Variants in PREP observed in about 807,000 individuals in gnomAD.
The protein encoded by PREP is dJ355L5.1 (prolyl endopeptidase).
Under a neutral mutation model 87.6 loss-of-function variants are expected in PREP, and 29 were observed. The observed-to-expected ratio is 0.33, with a 90% CI of 0.25 to 0.45. PREP has a LOEUF of 0.45. PREP is among the 20% of genes least tolerant of loss of function. PREP has a pLI of 1.00. For missense variants in PREP, 695 were observed against 886.5 expected, an observed-to-expected ratio of 0.78 and a Z score of 2.74; for synonymous variants, 337 against 328.6, an observed-to-expected ratio of 1.03 and a Z score of -0.28.
At chr6:105,391,147 GCCTCAA>G (rs1562228332) in intron 2 of PREP, among the ~76,000 whole-genome samples, 1 of 56,636 alleles carries the variant, frequency 1.8e-5, no homozygotes, top group African/African-American at 3.9e-4. Context: ...GAGGGCTGAG[GCCTCAA>G]GTGGATCACT....
chr6:105,294,980 T>C lies in PREP; in HGVS notation c.1318-6086A>G, dbSNP rs1273475752. Among the ~76,000 whole-genome samples the C allele has an allele frequency of 5.3e-5, 8 of 152,224 alleles. No individual in the cohort carries two copies. In the South Asian group the frequency reaches 1.2e-3, roughly 24 times the overall value. On this transcript the variant is annotated intron_variant, in intron 10 of 14. Transcript: ENST00000652536. Reference sequence around the variant, plus strand: ...CTCCTCTAATTCTGACCCTAACCCATTGGATTCCTTCTCCTCCCCCAGGCT... The same window carrying C: ...CTCCTCTAATTCTGACCCTAACCCACTGGATTCCTTCTCCTCCCCCAGGCT...
intron 2 of PREP, among the ~76,000 whole-genome samples, chr6:105,386,725 T>C (rs573931845): frequency 7.1e-4 from 108 of 152,274 alleles, no homozygotes; most frequent in African/African-American, 2.5e-3. Context: ...ACTTTCTGGG[T>C]CTGAAGAATT....
At chr6:105,341,882 T>C (rs532452702) in intron 7 of PREP, among the ~76,000 whole-genome samples, 1 of 152,290 alleles carries the variant, frequency 6.6e-6, no homozygotes, top group South Asian at 2.1e-4. Flanking sequence ...GGCTCTGAAA[T>C]TGAGGCAATA....
chr6:105,334,596 G>A (rs1401019687), intron 7 of PREP, among the ~76,000 whole-genome samples: 1 of 152,148 alleles, frequency 6.6e-6, no homozygotes, highest in Non-Finnish European at 1.5e-5. Context: ...GCACACGCCT[G>A]TAATCCCAGC....
In PREP at chr6:105,278,145, T is replaced by C. The variant is rs780726174; in HGVS notation, c.2132A>G (p.Ter711=). The change falls in exon 15 of 15, where the codon TAA becomes TGA. Residue 711 remains the stop codon, a stop_retained_variant. Coordinates refer to ENST00000652536, the MANE Select transcript of PREP (RefSeq NM_002726.5). This position sits in a 1 kb window ranked among gnomAD's most constrained non-coding sequence, Gnocchi z 4.2. ...GTCAGGAGGAAGCACGAAAACTGTT[T>C]ATGGAATCCAGTCGACGTTCAGGCA... ...ARCLNVDWIP[*] is the part of the protein sequence containing the mutation. The C allele has an allele frequency of 2.4e-5, 38 of 1,606,706 alleles. No individual in the cohort carries two copies. The highest frequency in any genetic ancestry group is 3.1e-5 in the Non-Finnish European group (37 of 1,174,652).
chr6:105,341,424 A>G (rs930319623), intron 7 of PREP, among the ~76,000 whole-genome samples: 4 of 152,252 alleles, frequency 2.6e-5, no homozygotes, highest in African/African-American at 9.6e-5. Flanking sequence ...AAATGCCCAC[A>G]AGAGAAAGCA....
At chr6:105,323,882 G>A (rs536634239) in intron 9 of PREP, 114 bp from the exon 10 acceptor site, 3 of 901,224 alleles carry the variant, frequency 3.3e-6, no homozygotes, top group East Asian at 2.6e-5. Context: ...TCATTTATCA[G>A]GGACTTGGTT....
chr6:105,394,571 A>T (rs1282568047), intron 2 of PREP, among the ~76,000 whole-genome samples: 1 of 152,222 alleles, frequency 6.6e-6, no homozygotes, highest in East Asian at 1.9e-4. Flanking sequence ...GTATCTAAAA[A>T]TCTAAGGGAA....
At chr6:105,292,275 T>G (rs893628013) in intron 10 of PREP, among the ~76,000 whole-genome samples, 2 of 152,162 alleles carry the variant, frequency 1.3e-5, no homozygotes, top group Non-Finnish European at 2.9e-5. Flanking sequence ...CAAAATGTAT[T>G]ATTTCTCAAA....
At chr6:105,324,592 C>A (rs901686384) in intron 9 of PREP, among the ~76,000 whole-genome samples, 6 of 152,114 alleles carry the variant, frequency 3.9e-5, no homozygotes, top group African/African-American at 7.2e-5. Flanking sequence ...TAGCACCTCC[C>A]CACATAATAC....
intron 9 of PREP, among the ~76,000 whole-genome samples, chr6:105,326,742 C>T (rs1177315015): frequency 1.3e-5 from 2 of 152,146 alleles, no homozygotes; most frequent in African/African-American, 2.4e-5. Flanking sequence ...GATCTGAATC[C>T]GGAAGCCCCA....
At chr6:105,385,684 A>G (rs1429811022) in intron 2 of PREP, among the ~76,000 whole-genome samples, 1 of 152,240 alleles carries the variant, frequency 6.6e-6, no homozygotes, top group Non-Finnish European at 1.5e-5. Flanking sequence ...CTCAATAATG[A>G]GTGCAATGGT....
At chr6:105,338,452 C>T (rs2114665132) in intron 7 of PREP, among the ~76,000 whole-genome samples, 1 of 152,318 alleles carries the variant, frequency 6.6e-6, no homozygotes, top group African/African-American at 2.4e-5. Flanking sequence ...AGGAACAGCT[C>T]CAATCTACAG....
At chr6:105,375,017 T>C (rs1046158746) in intron 4 of PREP, among the ~76,000 whole-genome samples, 4 of 152,078 alleles carry the variant, frequency 2.6e-5, no homozygotes, top group Admixed American at 2.0e-4. Context: ...ATATGGGATA[T>C]GTTACTTCAA....
chr6:105,285,644 T>C, intron 11 of PREP, 64 bp from the exon 12 acceptor site: 2 of 1,356,366 alleles, frequency 1.5e-6, no homozygotes, highest in Non-Finnish European at 2.1e-6. Flanking sequence ...GCCCTCTCTC[T>C]CCATCTCAAA....
At chr6:105,355,417 C>T (rs1342529273) in intron 6 of PREP, among the ~76,000 whole-genome samples, 2 of 152,136 alleles carry the variant, frequency 1.3e-5, no homozygotes, top group Non-Finnish European at 2.9e-5. Flanking sequence ...ATTAAGAAGG[C>T]ATCTTTCCAC....
intron 7 of PREP, among the ~76,000 whole-genome samples, chr6:105,336,661 T>C (rs555844073): frequency 6.6e-6 from 1 of 152,238 alleles, no homozygotes; most frequent in Non-Finnish European, 1.5e-5. Context: ...GGTAGTATCT[T>C]AGACCAGTTA....
chr6:105,354,840 T>C (rs1772050637), intron 6 of PREP, among the ~76,000 whole-genome samples: 1 of 152,212 alleles, frequency 6.6e-6, no homozygotes, highest in African/African-American at 2.4e-5. Context: ...AGCTCTTTTC[T>C]CTAGTAAACC....
intron 10 of PREP, among the ~76,000 whole-genome samples, chr6:105,308,211 CA>C (rs770226280): frequency 4.6e-5 from 7 of 151,700 alleles, no homozygotes; most frequent in Non-Finnish European, 8.8e-5. Context: ...AGCCAAAAGC[CA>C]CTAAAAGAAT....
Sources: gnomAD v4.1 joint callset for allele counts (sites outside exome capture counted in the v4.1 genomes callset) on GRCh38, gnomAD v4.1.1 for gene constraint, Gnocchi (gnomAD v3.1) non-coding constraint, MANE v1.5 for transcripts, NCBI Gene and HGNC (gene_info 2026-07-23, HGNC 2026-07-21) for gene names.